LDB2: variants seen among roughly 807,000 people sequenced by gnomAD.
LDB2 encodes the protein LIM domain-binding protein 2.
A neutral mutation model predicts 44.3 loss-of-function variants in LDB2; 12 were observed. That is an observed-to-expected ratio of 0.27 (90% CI 0.17 to 0.44). LDB2 has a LOEUF of 0.44. LDB2 is among the 20% of genes least tolerant of loss of function. The pLI is 1.00. For synonymous variants in LDB2, 164 were observed against 174.8 expected (o/e 0.94, Z 0.49); for missense variants, 344 against 473.5 (o/e 0.73, Z 2.54).
intron 5 of LDB2, among the ~76,000 whole-genome samples, chr4:16,525,613 G>A (rs769018814): frequency 7.9e-5 from 12 of 152,188 alleles, no homozygotes; most frequent in Admixed American, 3.9e-4. Flanking sequence ...TGTGTACTAC[G>A]TGCTCTTTAT....
chr4:16,808,409 TAGTAATGACC>T (rs1303297736), intron 1 of LDB2, among the ~76,000 whole-genome samples: 1 of 152,206 alleles, frequency 6.6e-6, no homozygotes, highest in Non-Finnish European at 1.5e-5. Context: ...AGGCAGATTT[TAGTAATGACC>T]AGTGGAGGCT....
chr4:16,510,222 C>G (rs1467168553), intron 6 of LDB2, among the ~76,000 whole-genome samples: 1 of 152,158 alleles, frequency 6.6e-6, no homozygotes, highest in East Asian at 1.9e-4. Flanking sequence ...ATCACTTAGT[C>G]CAATGAGTAT....
intron 5 of LDB2, among the ~76,000 whole-genome samples, chr4:16,583,075 C>T (rs1715366399): frequency 6.6e-6 from 1 of 152,212 alleles, no homozygotes; most frequent in Admixed American, 6.5e-5. Context: ...CTCAGGGTCT[C>T]GCCTGCTCCT....
intron 2 of LDB2, among the ~76,000 whole-genome samples, chr4:16,604,476 T>C (rs1390534832): frequency 6.7e-6 from 1 of 150,006 alleles, no homozygotes; most frequent in Non-Finnish European, 1.5e-5. Flanking sequence ...AATATATATA[T>C]TCTTATATAT....
At chr4:16,513,872 G>A (rs865959369) in intron 5 of LDB2, among the ~76,000 whole-genome samples, 2 of 152,064 alleles carry the variant, frequency 1.3e-5, no homozygotes, top group African/African-American at 2.4e-5. Context: ...ACCTATCCCC[G>A]CCAAAGGTAG....
At chr4:16,573,069 T>C (rs954836402) in intron 5 of LDB2, among the ~76,000 whole-genome samples, 1 of 152,180 alleles carries the variant, frequency 6.6e-6, no homozygotes, top group African/African-American at 2.4e-5. Flanking sequence ...GTGTAGCAGC[T>C]TCTAAGAACA....
chr4:16,603,450 G>A (rs1723107160), intron 2 of LDB2, among the ~76,000 whole-genome samples: 1 of 152,132 alleles, frequency 6.6e-6, no homozygotes, highest in South Asian at 2.1e-4. Context: ...GTATATTCCC[G>A]TGATCTAGGC....
At chr4:16,628,785 G>A (rs1193768591) in intron 2 of LDB2, among the ~76,000 whole-genome samples, 4 of 152,176 alleles carry the variant, frequency 2.6e-5, no homozygotes, top group Admixed American at 1.3e-4. Flanking sequence ...AGGGTGAGCC[G>A]AAGAAGGGTG....
chr4:16,610,327 T>C (rs1202212223), intron 2 of LDB2, among the ~76,000 whole-genome samples: 1 of 151,978 alleles, frequency 6.6e-6, no homozygotes, highest in Non-Finnish European at 1.5e-5. Context: ...TCGCAACATC[T>C]CTCCATCAAG....
In LDB2 at chr4:16,581,439, C is replaced by T. The variant is rs56386309; in HGVS notation, c.615+4483G>A. The T allele has an allele frequency of 6.7e-3, 6,571 of 984,984 alleles. 21 individuals carry two copies. The highest frequency in any genetic ancestry group is 7.4e-3 in the Non-Finnish European group (6,152 of 829,556). 61.0% of individuals were successfully genotyped at this position (984,984 alleles called of 1,614,324 possible). ...CATGCTGTTACTGGAAAAAAAAAAT[C>T]TTTTGAATTATATCACTCAGCCAGG... On this transcript the variant is annotated intron_variant, in intron 5 of 7. Transcript: ENST00000304523.
At chr4:16,689,721 T>C (rs1322096193) in intron 2 of LDB2, among the ~76,000 whole-genome samples, 1 of 152,220 alleles carries the variant, frequency 6.6e-6, no homozygotes, top group East Asian at 1.9e-4. Context: ...CCCCTGAGCA[T>C]AGTAAATGAG....
intron 2 of LDB2, among the ~76,000 whole-genome samples, chr4:16,739,407 G>A (rs1038511353): frequency 1.3e-5 from 2 of 149,450 alleles, no homozygotes; most frequent in Non-Finnish European, 3.0e-5. Flanking sequence ...GCCAAATGGT[G>A]AAATCCCATC....
At chr4:16,889,478 G>A in intron 1 of LDB2, 2 of 152,266 alleles carry the variant, frequency 1.3e-5, no homozygotes, top group Admixed American at 1.3e-4. Flanking sequence ...AAGAAATTTT[G>A]TTCTCTCAGG....
At position 16,508,619 on chromosome 4, in the gene LDB2, G is replaced by A. The variant is rs763130419; in HGVS notation, c.807C>T (p.Asn269=). The stretch of plus-strand genomic sequence containing the variant: ...TGTTTGCATTGTTCCCAGCGCTGCT[G>A]TTGGAAGTGCTGCTGGTGGAATTTT... ...KRKNSTSSTS[N]SSAGNNANST... Residue 269 remains asparagine, a synonymous_variant, in exon 7 of 8, where the codon AAC becomes AAT. Coordinates refer to ENST00000304523, the MANE Select transcript of LDB2 (RefSeq NM_001290.5). The A allele has an allele frequency of 6.2e-7, 1 of 1,613,832 alleles. No individual in the cohort carries two copies. The highest frequency in any genetic ancestry group is 8.5e-7 in the Non-Finnish European group (1 of 1,179,850).
rs1248209967 is a variant in LDB2 at position 16,855,869 on chromosome 4, T to C, written c.132+42485A>G. 2.6e-5 allele frequency among the ~76,000 whole-genome samples: 4 copies of C among 152,246 alleles called. No individual in the cohort carries two copies. The South Asian group carries it at 6.2e-4, about 24-fold the overall frequency. On this transcript the variant is annotated intron_variant, in intron 1 of 7. Transcript: ENST00000304523. The stretch of plus-strand genomic sequence containing the variant: ...ATGTTATTATAAATTCATGAGTGGG[T>C]AAAATATCCATTCAAAGTGCAAGAT...
At chr4:16,534,925 A>C (rs761800961) in intron 5 of LDB2, among the ~76,000 whole-genome samples, 9 of 152,160 alleles carry the variant, frequency 5.9e-5, no homozygotes, top group Non-Finnish European at 1.3e-4. Flanking sequence ...GTCCAGACCC[A>C]AACTACATAC....
intron 1 of LDB2, among the ~76,000 whole-genome samples, chr4:16,761,812 G>A (rs1420580846): frequency 6.6e-6 from 1 of 151,958 alleles, no homozygotes; most frequent in African/African-American, 2.4e-5. Flanking sequence ...CATATCTAGG[G>A]CAGGAGGCAT....
chr4:16,663,684 A>G (rs1296780979), intron 2 of LDB2, among the ~76,000 whole-genome samples: 3 of 152,248 alleles, frequency 2.0e-5, no homozygotes, highest in African/African-American at 7.2e-5. Flanking sequence ...AGCTGCTTCT[A>G]AAGAAAATAT....
At chr4:16,824,425 T>C (rs56186480) in intron 1 of LDB2, among the ~76,000 whole-genome samples, 2,520 of 152,344 alleles carry the variant, frequency 0.017, 79 homozygotes, top group African/African-American at 0.057. Context: ...AGGGCACGAA[T>C]GCTTGTACAA....
Sources: allele counts gnomAD v4.1 joint callset (sites outside exome capture counted in the v4.1 genomes callset), GRCh38; gene constraint gnomAD v4.1.1; transcripts MANE v1.5; gene names NCBI Gene and HGNC (gene_info 2026-07-23, HGNC 2026-07-21).